TRMU: variants seen among roughly 807,000 people sequenced by gnomAD.
TRMU encodes the protein tRNA mitochondrial 2-thiouridylase, also known as mitochondrial tRNA-specific 2-thiouridylase 1.
Under a neutral mutation model 46.9 loss-of-function variants are expected in TRMU, and 49 were observed. The observed-to-expected ratio is 1.05, with a 90% CI of 0.83 to 1.33. The LOEUF is 1.33. Ranked by LOEUF, TRMU falls within the 40% of genes most tolerant of loss-of-function variation. The pLI, the probability that TRMU is intolerant of heterozygous loss-of-function variation, is 0.00. For missense variants in TRMU, 572 were observed against 532.4 expected (o/e 1.07, Z -0.73); for synonymous variants, 241 against 200.9 (o/e 1.20, Z -1.69).
At chr22:46,340,908 A>G (rs576228003) in intron 2 of TRMU, among the ~76,000 whole-genome samples, 4 of 152,360 alleles carry the variant, frequency 2.6e-5, no homozygotes, top group Admixed American at 6.5e-5. Context: ...GGCTCCAGCC[A>G]GCCTGCCCTC....
chr22:46,355,238 C>G lies in TRMU; in HGVS notation c.874-206C>G, dbSNP rs566267977. 450 of 730,012 alleles carry G rather than the reference C, an allele frequency of 6.2e-4. 1 individual carries two copies. The highest frequency in any genetic ancestry group is 8.7e-4 in the Non-Finnish European group (384 of 440,452). The allele number at this position is 730,012 out of a possible 1,614,324, so 45.2% of individuals were successfully genotyped here. ...CTGACATGGTACTTCCTTCCTGGGC[C>G]TTAGTCTCCTCATCTGTAAAATGGG... On this transcript the variant is annotated intron_variant, in intron 8 of 10. Coordinates refer to ENST00000645190, the MANE Select transcript of TRMU (RefSeq NM_018006.5).
In TRMU at chr22:46,351,160, G is replaced by A. The variant is rs1011232548; in HGVS notation, c.651+697G>A. 5.9e-5 allele frequency among the ~76,000 whole-genome samples: 9 copies of A among 152,202 alleles called. No individual in the cohort carries two copies. The highest frequency in any genetic ancestry group is 2.2e-4 in the African/African-American group (9 of 41,454). Reference sequence around the variant, plus strand: ...GAGAGGATCCGGTGTCCCAGAGAGGGCTGGGAAAGTCCAGATGAGGGAACG... The same window carrying A: ...GAGAGGATCCGGTGTCCCAGAGAGGACTGGGAAAGTCCAGATGAGGGAACG... On this transcript the variant is annotated intron_variant, in intron 5 of 10. Transcript: ENST00000645190. The surrounding 1 kb of genome is among the most constrained non-coding windows in gnomAD (Gnocchi z 6.4).
chr22:46,357,225 G>A lies in TRMU; in HGVS notation c.*219G>A. Reference sequence around the variant, plus strand: ...GCTGGAGCATCTGCTGGCTGGTGGGGTGGCCCGAGTTCCCCTTCACCGCCC... The same window carrying A: ...GCTGGAGCATCTGCTGGCTGGTGGGATGGCCCGAGTTCCCCTTCACCGCCC... On this transcript the variant is annotated 3_prime_UTR_variant, in exon 11 of 11. Coordinates refer to ENST00000645190, the MANE Select transcript of TRMU (RefSeq NM_018006.5). 2 of 644,900 alleles carry A rather than the reference G, an allele frequency of 3.1e-6. No individual in the cohort carries two copies. Among genetic ancestry groups the A allele is most frequent in the Non-Finnish European group, 5.3e-6 (2 of 375,908 alleles). 39.9% of individuals were successfully genotyped at this position (644,900 alleles called of 1,614,324 possible). A position where few individuals can be genotyped will look rare whatever the true frequency, so the allele number is the denominator to read the frequency against.
rs939347714 is a variant in TRMU, at chr22:46,342,426, A to G, written c.249-836A>G. Among the ~76,000 whole-genome samples the G allele has an allele frequency of 2.6e-5, 4 of 152,220 alleles. No individual in the cohort carries two copies. The highest frequency in any genetic ancestry group is 9.6e-5 in the African/African-American group (4 of 41,458). ...GGAGCCTCCACAAGTGTAGCTGTGC[A>G]GAAGCTCTCTGAACCCAGTACTCCT... is the stretch of plus-strand genomic sequence containing the variant. On this transcript the variant is annotated intron_variant, in intron 2 of 10. Transcript: ENST00000645190. The surrounding 1 kb of genome is among the most constrained non-coding windows in gnomAD (Gnocchi z 4.7).
intron 10 of TRMU, 135 bp from the exon 11 acceptor site, chr22:46,356,707 A>AGCAGC: frequency 9.2e-7 from 1 of 1,089,812 alleles, no homozygotes; most frequent in Non-Finnish European, 1.3e-6. Context: ...CAGCAGCAGC[A>AGCAGC]AAACCCTGCT....
intron 3 of TRMU, among the ~76,000 whole-genome samples, chr22:46,345,483 C>T (rs1223175907): frequency 6.6e-6 from 1 of 152,166 alleles, no homozygotes; most frequent in Non-Finnish European, 1.5e-5. Context: ...CTGGATGATT[C>T]TTCACTCTGA....
chr22:46,344,387 G>A (rs2078198779), intron 3 of TRMU, among the ~76,000 whole-genome samples: 1 of 152,330 alleles, frequency 6.6e-6, no homozygotes, highest in Middle Eastern at 3.4e-3. Flanking sequence ...TAGACTGATA[G>A]AATGTGAATT....
chr22:46,353,960 C>A, intron 8 of TRMU, 93 bp downstream of exon 8: 1 of 1,212,180 alleles, frequency 8.2e-7, no homozygotes, highest in Non-Finnish European at 1.2e-6. Context: ...CTCCAGCAGC[C>A]GTGGCTTCCT....
At position 46,351,809 on chromosome 22, in the gene TRMU, C is replaced by T. The variant is rs911441966; in HGVS notation, c.652-312C>T. ...CCTTCTCTGGTCCCTGTCTCTCCCC[C>T]ACTCCTCGCAGGACAGTGGCCTGAA... On this transcript the variant is annotated intron_variant, in intron 5 of 10. Transcript: ENST00000645190. The surrounding 1 kb of genome is among the most constrained non-coding windows in gnomAD (Gnocchi z 6.4). The T allele has an allele frequency of 4.3e-6, 2 of 467,322 alleles. No individual in the cohort carries two copies. The highest frequency in any genetic ancestry group is 7.9e-6 in the Non-Finnish European group (2 of 253,320). 28.9% of individuals were successfully genotyped at this position (467,322 alleles called of 1,614,324 possible).
intron 7 of TRMU, chr22:46,353,381 T>TA (rs2078495660): frequency 3.3e-6 from 1 of 301,400 alleles, no homozygotes; most frequent in African/African-American, 2.2e-5. Context: ...CTGATGCAGT[T>TA]ACTGCATTAG....
In TRMU at chr22:46,335,906, C is replaced by T. The variant is rs1480326203; in HGVS notation, c.82+60C>T. 7 of 1,526,448 alleles carry T rather than the reference C, an allele frequency of 4.6e-6. No individual in the cohort carries two copies. The African/African-American group carries it at 8.4e-5, about 18-fold the overall frequency. The allele number at this position is 1,526,448 out of a possible 1,614,324, so 94.6% of individuals were successfully genotyped here. A position where few individuals can be genotyped will look rare whatever the true frequency, so the allele number is the denominator to read the frequency against. ...GAATGTGTCCCCGGAAACCTGTCCCCGTCCGTCGTGGCGTTGTGCACGTCT... is the reference window on the plus strand; with the variant it reads ...GAATGTGTCCCCGGAAACCTGTCCCTGTCCGTCGTGGCGTTGTGCACGTCT... On this transcript the variant is annotated intron_variant, in intron 1 of 10. Coordinates refer to ENST00000645190, the MANE Select transcript of TRMU (RefSeq NM_018006.5).
rs78092973 is a variant in TRMU, at chr22:46,355,389, C to T, written c.874-55C>T. The T allele has an allele frequency of 6.0e-3, 9,629 of 1,598,518 alleles. 493 individuals carry two copies. The African/African-American group carries it at 0.11, about 18-fold the overall frequency. ...TTGTTCCCAGGGACCACACTGAGGC[C>T]GGCCTTGGGGCCAGGTGCCCCTCGG... On this transcript the variant is annotated intron_variant, in intron 8 of 10. Coordinates refer to ENST00000645190, the MANE Select transcript of TRMU (RefSeq NM_018006.5).
chr22:46,338,179 A>G lies in TRMU; in HGVS notation c.248+235A>G. The G allele has an allele frequency of 9.4e-6, 5 of 533,360 alleles. No individual in the cohort carries two copies. Among genetic ancestry groups the G allele is most frequent in the Non-Finnish European group, 1.7e-5 (5 of 294,782 alleles). The allele number at this position is 533,360 out of a possible 1,614,324, so 33.0% of individuals were successfully genotyped here. On this transcript the variant is annotated intron_variant, in intron 2 of 10. Coordinates refer to ENST00000645190, the MANE Select transcript of TRMU (RefSeq NM_018006.5). The surrounding 1 kb of genome is among the most constrained non-coding windows in gnomAD (Gnocchi z 4.5). ...TCCTGTCATTTTGCCACTTGCCTGA[A>G]GTCTCTTTAATGCTTTCTTGGACCT...
intron 5 of TRMU, 98 bp from the exon 6 acceptor site, chr22:46,352,023 T>G: frequency 1.5e-6 from 2 of 1,370,224 alleles, no homozygotes; most frequent in South Asian, 1.2e-5. Context: ...AAGTGTGGGG[T>G]GAGGCCGGGA....
chr22:46,355,653 G>C, intron 9 of TRMU, 65 bp downstream of exon 9: 1 of 1,612,116 alleles, frequency 6.2e-7, no homozygotes, highest in Non-Finnish European at 8.5e-7. Context: ...GCCAGATTTG[G>C]GCCAGGGATG....
chr22:46,350,151 C>T lies in TRMU; in HGVS notation c.479-140C>T. On this transcript the variant is annotated intron_variant, in intron 4 of 10. Transcript: ENST00000645190. The surrounding 1 kb of genome is among the most constrained non-coding windows in gnomAD (Gnocchi z 4.6). The stretch of plus-strand genomic sequence containing the variant: ...TACATTAACCCGTGGTGGTCTTTTC[C>T]CTAGTAGTTGCTATTGAGTGTTGAT... 2 of 931,160 alleles carry T rather than the reference C, an allele frequency of 2.1e-6. 1 individual carries two copies. Among genetic ancestry groups the T allele is most frequent in the Non-Finnish European group, 3.3e-6 (2 of 608,884 alleles). The allele number at this position is 931,160 out of a possible 1,614,324, so 57.7% of individuals were successfully genotyped here. A position where few individuals can be genotyped will look rare whatever the true frequency, so the allele number is the denominator to read the frequency against.
intron 3 of TRMU, 56 bp from the exon 4 acceptor site, chr22:46,346,366 C>CT (rs1279064250): frequency 6.3e-7 from 1 of 1,592,458 alleles, no homozygotes; most frequent in Non-Finnish European, 8.6e-7. Flanking sequence ...TTATGCTGAT[C>CT]AAGGCCTGCA....
rs766589799 is a variant in TRMU at position 46,352,237 on chromosome 22, G to A, written c.706-27G>A. 41 of 1,614,062 alleles carry A rather than the reference G, an allele frequency of 2.5e-5. 1 individual carries two copies. Among genetic ancestry groups the A allele is most frequent in the East Asian group, 1.6e-4 (7 of 44,896 alleles). ...GTGTCTGCCCTGGGCCTAGATCTCC[G>A]TCGGTAATGACATGTTTGTTTTCCA... On this transcript the variant is annotated intron_variant, in intron 6 of 10. Transcript: ENST00000645190.
At chr22:46,355,943 C>T in intron 9 of TRMU, 47 bp from the exon 10 acceptor site, 8 of 1,605,766 alleles carry the variant, frequency 5.0e-6, no homozygotes, top group Non-Finnish European at 6.8e-6. Flanking sequence ...CTGAGGTCGA[C>T]CAGGAAAGGC....
Sources: allele counts gnomAD v4.1 joint callset (sites outside exome capture counted in the v4.1 genomes callset), GRCh38; gene constraint gnomAD v4.1.1; non-coding constraint Gnocchi (gnomAD v3.1); transcripts MANE v1.5; gene names NCBI Gene and HGNC (gene_info 2026-07-23, HGNC 2026-07-21).